The following ZFPM2 variants were observed in gnomAD, a reference collection of about 807,000 sequenced individuals.
ZFPM2 encodes the protein zinc finger protein ZFPM2.
In ZFPM2, 20 loss-of-function variants were observed where a neutral mutation model predicts 98.6. The ratio of observed to expected loss-of-function variants is 0.20; its 90% confidence interval spans 0.14 to 0.29. The LOEUF is 0.29. Ranked by LOEUF, ZFPM2 falls within the 10% of genes least tolerant of loss-of-function variation. The pLI, the probability that ZFPM2 is intolerant of heterozygous loss-of-function variation, is 1.00. For missense variants in ZFPM2, 1,310 were observed against 1,388.6 expected, an observed-to-expected ratio of 0.94 and a Z score of 0.90; for synonymous variants, 518 against 502.7, an observed-to-expected ratio of 1.03 and a Z score of -0.41.
intron 5 of ZFPM2, among the ~76,000 whole-genome samples, chr8:105,702,941 T>C (rs1440241305): frequency 6.6e-6 from 1 of 152,174 alleles, no homozygotes; most frequent in East Asian, 1.9e-4. Flanking sequence ...CATAGTGTAA[T>C]CTAATATTAT....
intron 2 of ZFPM2, among the ~76,000 whole-genome samples, chr8:105,436,885 A>G (rs1374109554): frequency 5.9e-5 from 9 of 152,236 alleles, no homozygotes; most frequent in Non-Finnish European, 1.3e-4. Context: ...GATTTAGTAT[A>G]GAATCTGATC....
At chr8:105,742,379 TAAA>T (rs79123129) in intron 5 of ZFPM2, among the ~76,000 whole-genome samples, 12 of 109,728 alleles carry the variant, frequency 1.1e-4, no homozygotes, top group Non-Finnish European at 1.5e-4. Context: ...TCCTGTCTCT[TAAA>T]AAAAAAAAAA....
At position 105,731,457 on chromosome 8, in the gene ZFPM2, A is replaced by G. The variant is rs1268999035; in HGVS notation, c.533-57261A>G. On this transcript the variant is annotated intron_variant, in intron 5 of 7. Coordinates refer to ENST00000407775, the MANE Select transcript of ZFPM2 (RefSeq NM_012082.4). ...AGAAAAGAAATATTGCATTGAATTG[A>G]AAGGCACAATGAACAGTCTCTGGAT... Among the ~76,000 whole-genome samples the G allele has an allele frequency of 2.0e-5, 3 of 151,630 alleles. No homozygotes were observed. In the East Asian group the frequency reaches 5.9e-4, roughly 30 times the overall value.
chr8:105,455,064 G>A (rs1812560591), intron 3 of ZFPM2, among the ~76,000 whole-genome samples: 1 of 152,136 alleles, frequency 6.6e-6, no homozygotes, highest in African/African-American at 2.4e-5. Context: ...CCAAAATGCT[G>A]AGTGCTGACA....
At chr8:105,760,386 C>T (rs1430829359) in intron 5 of ZFPM2, among the ~76,000 whole-genome samples, 1 of 152,024 alleles carries the variant, frequency 6.6e-6, no homozygotes, top group African/African-American at 2.4e-5. Flanking sequence ...TAAGACTTCC[C>T]TTAACCAACT....
chr8:105,675,159 G>C (rs1167811764), intron 5 of ZFPM2, among the ~76,000 whole-genome samples: 2 of 152,156 alleles, frequency 1.3e-5, no homozygotes, highest in Non-Finnish European at 2.9e-5. Flanking sequence ...TGGCATGAAG[G>C]CATTGGTGCT....
intron 5 of ZFPM2, among the ~76,000 whole-genome samples, chr8:105,727,377 AATAC>A (rs1225012571): frequency 1.3e-5 from 2 of 151,688 alleles, no homozygotes; most frequent in Non-Finnish European, 2.9e-5. Context: ...TAAATACATA[AATAC>A]ATAAATAAAT....
At chr8:105,540,686 A>T (rs1042209620) in intron 3 of ZFPM2, among the ~76,000 whole-genome samples, 2 of 152,092 alleles carry the variant, frequency 1.3e-5, no homozygotes, top group East Asian at 1.9e-4. Flanking sequence ...TTTCGTGTTT[A>T]AGTGTTAAAG....
intron 1 of ZFPM2, among the ~76,000 whole-genome samples, chr8:105,417,507 AAT>A: frequency 6.6e-6 from 1 of 152,238 alleles, no homozygotes; most frequent in South Asian, 2.1e-4. Flanking sequence ...GTTGAAAAAA[AAT>A]AAGGGAAATA....
chr8:105,687,491 T>C (rs1004485993), intron 5 of ZFPM2, among the ~76,000 whole-genome samples: 10 of 152,158 alleles, frequency 6.6e-5, no homozygotes, highest in Admixed American at 2.0e-4. Flanking sequence ...TTACTTTTTG[T>C]ATTAAAATTG....
At chr8:105,689,663 A>C (rs1810830427) in intron 5 of ZFPM2, among the ~76,000 whole-genome samples, 1 of 152,210 alleles carries the variant, frequency 6.6e-6, no homozygotes, top group Non-Finnish European at 1.5e-5. Context: ...ATGGTGATGC[A>C]GTGGCAACAG....
rs112873525 is a variant in ZFPM2 at position 105,378,505 on chromosome 8, C to T, written c.41-40639C>T. 5.0e-3 allele frequency among the ~76,000 whole-genome samples: 765 copies of T among 152,270 alleles called. 10 individuals are homozygous for T. The highest frequency in any genetic ancestry group is 0.017 in the African/African-American group (704 of 41,560). On this transcript the variant is annotated intron_variant, in intron 1 of 7. Transcript: ENST00000407775. The stretch of plus-strand genomic sequence containing the variant: ...AGGCTGCAAACTCTTTAAGATGAAG[C>T]ACTGTGTTTTGTTTATTTTAATTGC...
intron 1 of ZFPM2, among the ~76,000 whole-genome samples, chr8:105,384,342 T>A (rs1810943942): frequency 6.6e-6 from 1 of 152,180 alleles, no homozygotes; most frequent in African/African-American, 2.4e-5. Context: ...ATTCTCCTGA[T>A]GGAAGAGAAG....
At chr8:105,646,065 A>AG (rs1184726928) in intron 5 of ZFPM2, among the ~76,000 whole-genome samples, 3 of 137,778 alleles carry the variant, frequency 2.2e-5, no homozygotes, top group Non-Finnish European at 4.8e-5. Context: ...AAAAAAAAAA[A>AG]AAAGAAAGAA....
intron 5 of ZFPM2, among the ~76,000 whole-genome samples, chr8:105,681,235 C>A (rs1810592565): frequency 6.6e-6 from 1 of 152,028 alleles, no homozygotes; most frequent in Non-Finnish European, 1.5e-5. Flanking sequence ...TTCTCTGCCC[C>A]ATGTCCTCAT....
At chr8:105,371,393 G>C (rs1473177507) in intron 1 of ZFPM2, among the ~76,000 whole-genome samples, 1 of 152,144 alleles carries the variant, frequency 6.6e-6, no homozygotes, top group Non-Finnish European at 1.5e-5. Flanking sequence ...GTTGTAATGT[G>C]GTCTGGAAAT....
At chr8:105,366,509 T>TTTA (rs929323267) in intron 1 of ZFPM2, among the ~76,000 whole-genome samples, 3 of 151,824 alleles carry the variant, frequency 2.0e-5, no homozygotes, top group Non-Finnish European at 2.9e-5. Flanking sequence ...ATTTTTTTCA[T>TTTA]TTATTATTAT....
chr8:105,535,956 C>G (rs1450169), intron 3 of ZFPM2, among the ~76,000 whole-genome samples: 1 of 152,068 alleles, frequency 6.6e-6, no homozygotes, highest in African/African-American at 2.4e-5. Context: ...TTTATGAATA[C>G]TTTAATTAGA....
intron 4 of ZFPM2, among the ~76,000 whole-genome samples, chr8:105,619,697 C>T (rs1290010690): frequency 3.3e-5 from 5 of 150,588 alleles, no homozygotes; most frequent in East Asian, 2.0e-4. Context: ...CCCCACCCCG[C>T]GACAGGCCCC....
Sources: gnomAD v4.1 joint callset for allele counts (sites outside exome capture counted in the v4.1 genomes callset) on GRCh38, gnomAD v4.1.1 for gene constraint, MANE v1.5 for transcripts, NCBI Gene and HGNC (gene_info 2026-07-23, HGNC 2026-07-21) for gene names.